SIN3B: variants seen among roughly 807,000 people sequenced by gnomAD.
SIN3B encodes the protein paired amphipathic helix protein Sin3b.
SIN3B carries 19 observed loss-of-function variants against 120.2 expected under a neutral mutation model. The ratio of observed to expected loss-of-function variants is 0.16; its 90% CI spans 0.11 to 0.23. The LOEUF (loss-of-function observed/expected upper bound fraction) is 0.23. SIN3B is among the 10% of genes least tolerant of loss of function. SIN3B has a pLI of 1.00. For missense variants in SIN3B, 1,073 were observed against 1,573.0 expected, an observed-to-expected ratio of 0.68 and a Z score of 5.38; for synonymous variants, 654 against 653.2, an observed-to-expected ratio of 1.00 and a Z score of -0.02.
chr19:16,852,987 C>T (rs1971565033), intron 6 of SIN3B, 82 bp from the exon 7 acceptor site: 1 of 1,151,036 alleles, frequency 8.7e-7, no homozygotes, highest in Non-Finnish European at 1.3e-6. Flanking sequence ...CGGTCTTAGC[C>T]TTCTTGAGAC....
rs368097957 is a variant in SIN3B, at chr19:16,830,892, C to A, written c.228-602C>A. Among the ~76,000 whole-genome samples, 4 of 152,278 alleles carry A rather than the reference C, an allele frequency of 2.6e-5. No homozygotes were observed. The South Asian group carries it at 8.3e-4, about 32-fold the overall frequency. On this transcript the variant is annotated intron_variant, in intron 2 of 18. Transcript: ENST00000248054. ...CTCCTGCCATTTCTTGGAGTCCAGG[C>A]CTTGCGGTTGGCTCTCCTGACATTT...
chr19:16,862,603 C>T lies in SIN3B; in HGVS notation c.1266+44C>T, dbSNP rs1294932542. On this transcript the variant is annotated intron_variant, in intron 9 of 18. Transcript: ENST00000248054. This position sits in a 1 kb window ranked among gnomAD's most constrained non-coding sequence, Gnocchi z 4.7. ...CAAATGTTCGTTGACATGGTGCATC[C>T]CCCACCCCTCCCCAGCAAACACCCG... 2.7e-6 allele frequency: 4 copies of T among 1,504,320 alleles called. No individual in the cohort carries two copies. In the East Asian group the frequency reaches 9.2e-5, roughly 35 times the overall value. The allele number at this position is 1,504,320 out of a possible 1,614,324, so 93.2% of individuals were successfully genotyped here. A position where few individuals can be genotyped will look rare whatever the true frequency, so the allele number is the denominator to read the frequency against.
intron 3 of SIN3B, among the ~76,000 whole-genome samples, chr19:16,840,066 G>A (rs1010677494): frequency 1.3e-5 from 2 of 152,128 alleles, no homozygotes; most frequent in African/African-American, 4.8e-5. Context: ...GCTGCTCTGC[G>A]TCTTGTATTT....
At chr19:16,857,370 G>A (rs1481861612) in intron 8 of SIN3B, among the ~76,000 whole-genome samples, 2 of 151,896 alleles carry the variant, frequency 1.3e-5, no homozygotes, top group Non-Finnish European at 2.9e-5. Context: ...AGTCAGATTT[G>A]CTTCAGCCTC....
Position 16,829,410 on chromosome 19 carries a change from C to T in SIN3B, c.-11C>T. ...GCGGGGGCGGGGCGGGGCGCAGCTC[C>T]GACTTCGGACATGGCGCACGCTGGC... On this transcript the variant is annotated 5_prime_UTR_variant, in exon 1 of 19. Coordinates refer to ENST00000248054, the MANE Select transcript of SIN3B (RefSeq NM_001297595.2). 1 of 1,201,710 alleles carries T rather than the reference C, an allele frequency of 8.3e-7. No individual in the cohort carries two copies. The highest frequency in any genetic ancestry group is 1.0e-6 in the Non-Finnish European group (1 of 968,292). The allele number at this position is 1,201,710 out of a possible 1,614,324, so 74.4% of individuals were successfully genotyped here.
intron 4 of SIN3B, among the ~76,000 whole-genome samples, chr19:16,844,618 G>A (rs1433092145): frequency 6.6e-6 from 1 of 152,246 alleles, no homozygotes; most frequent in African/African-American, 2.4e-5. Flanking sequence ...GTTGCAAAGT[G>A]TGATGGGAAC....
At chr19:16,857,737 C>T (rs1013272836) in intron 8 of SIN3B, among the ~76,000 whole-genome samples, 1 of 152,168 alleles carries the variant, frequency 6.6e-6, no homozygotes, top group African/African-American at 2.4e-5. Context: ...GTGAGAGTGT[C>T]CTGACTTCAG....
intron 6 of SIN3B, 92 bp from the exon 7 acceptor site, chr19:16,852,977 C>T (rs557523922): frequency 1.5e-4 from 154 of 1,006,618 alleles, no homozygotes; most frequent in Admixed American, 2.8e-4. Flanking sequence ...AAGGAGAGCA[C>T]GGTCTTAGCC....
chr19:16,836,895 ATCT>A lies in SIN3B; in HGVS notation c.382-4868_382-4866del, dbSNP rs374767745. On this transcript the variant is annotated intron_variant, in intron 3 of 18. Transcript: ENST00000248054. ...TCAACAAGTCGATTCTTGTGTTTGTATCTTCTTGGCTCATGGAGCAGGCGGTGA... is the reference window on the plus strand; with the variant it reads ...TCAACAAGTCGATTCTTGTGTTTGTATCTTGGCTCATGGAGCAGGCGGTGA... 1.5e-4 allele frequency among the ~76,000 whole-genome samples: 23 copies of A among 152,274 alleles called. 1 individual carries two copies. The highest frequency in any genetic ancestry group is 6.8e-3 in the Middle Eastern group (2 of 294).
rs1394043720 is a variant in SIN3B, at chr19:16,869,795, G to C, written c.2142G>C (p.Gly714=). The stretch of plus-strand genomic sequence containing the variant: ...ACAGTAGCCCCCCAGAGGAGAAGGG[G>C]GCCTTCGGGGATGCCCCGGCCACTG... The part of the protein sequence containing the change: ...GPHSSPPEEK[G]AFGDAPATEQ... Residue 714 remains glycine (G), a synonymous_variant, in exon 13 of 19, where the codon GGG becomes GGC. Transcript: ENST00000248054. 8.7e-6 allele frequency: 14 copies of C among 1,613,536 alleles called. No individual in the cohort carries two copies. Among genetic ancestry groups the C allele is most frequent in the Non-Finnish European group, 1.2e-5 (14 of 1,179,932 alleles).
chr19:16,846,922 A>T (rs370555084), intron 4 of SIN3B, 48 bp from the exon 5 acceptor site: 18 of 1,591,244 alleles, frequency 1.1e-5, no homozygotes, highest in Middle Eastern at 3.4e-4. Context: ...CCCAGGGCAC[A>T]GCACTCCTTG....
intron 8 of SIN3B, among the ~76,000 whole-genome samples, chr19:16,861,267 C>T (rs959142052): frequency 5.3e-5 from 8 of 152,182 alleles, no homozygotes; most frequent in African/African-American, 1.9e-4. Flanking sequence ...TCAAACCCCT[C>T]TTGTGCAGGC....
At chr19:16,831,745 G>A in intron 3 of SIN3B, 98 bp downstream of exon 3, 1 of 1,050,484 alleles carries the variant, frequency 9.5e-7, no homozygotes, top group Non-Finnish European at 1.4e-6. Context: ...TTGCTAGAAA[G>A]CCACTTAAGA....
intron 12 of SIN3B, 130 bp from the exon 13 acceptor site, chr19:16,869,330 G>C: frequency 8.0e-7 from 1 of 1,243,788 alleles, no homozygotes; most frequent in Non-Finnish European, 1.1e-6. Context: ...ACCGATGTTC[G>C]CCACCCATCC....
chr19:16,876,439 G>C lies in SIN3B; in HGVS notation c.2767-47G>C, dbSNP rs776244607. ...GGCCTTGCGAGCCTGCGCTGTGCCG[G>C]CTGGGCTGTGCCGGCAGTGGAGGCT... is the stretch of plus-strand genomic sequence containing the variant. On this transcript the variant is annotated intron_variant, in intron 15 of 18. Coordinates refer to ENST00000248054, the MANE Select transcript of SIN3B (RefSeq NM_001297595.2). This position sits in a 1 kb window ranked among gnomAD's most constrained non-coding sequence, Gnocchi z 7.1. 3 of 1,590,942 alleles carry C rather than the reference G, an allele frequency of 1.9e-6. No individual in the cohort carries two copies. The highest frequency in any genetic ancestry group is 1.3e-5 in the African/African-American group (1 of 74,494).
At chr19:16,866,694 T>G (rs1971779358) in intron 12 of SIN3B, 138 bp downstream of exon 12, 1 of 795,268 alleles carries the variant, frequency 1.3e-6, no homozygotes, top group Non-Finnish European at 2.0e-6. Flanking sequence ...AGGCGAGGGT[T>G]CATGTCTCTG....
chr19:16,868,617 C>A (rs1971811262), intron 12 of SIN3B, among the ~76,000 whole-genome samples: 1 of 152,188 alleles, frequency 6.6e-6, no homozygotes, highest in African/African-American at 2.4e-5. Flanking sequence ...TGTGCAAAGG[C>A]CCTGCACACG....
intron 8 of SIN3B, among the ~76,000 whole-genome samples, chr19:16,857,123 G>A (rs1181089384): frequency 6.6e-6 from 1 of 152,098 alleles, no homozygotes; most frequent in Non-Finnish European, 1.5e-5. Context: ...TTTTAGTAGT[G>A]ATATTTCCAG....
At position 16,865,622 on chromosome 19, in the gene SIN3B, C is replaced by A. The variant is rs778901530; in HGVS notation, c.1596C>A (p.Val532=). 1.9e-6 allele frequency: 3 copies of A among 1,610,142 alleles called. No homozygotes were observed. The Admixed American group carries it at 5.0e-5, about 27-fold the overall frequency. ...EIIESLKKNP[V]TAVPVVLKRL... is the part of the protein sequence containing the mutation. ...TCGAGAGCCTCAAGAAGAACCCTGT[C>A]ACCGCTGTCCCCGTTGTCCTGAAAA... Residue 532 remains valine (V), a synonymous_variant, in exon 11 of 19, where the codon GTC becomes GTA. Coordinates refer to ENST00000248054, the MANE Select transcript of SIN3B (RefSeq NM_001297595.2).
Sources: gnomAD v4.1 joint callset for allele counts (sites outside exome capture counted in the v4.1 genomes callset) on GRCh38, gnomAD v4.1.1 for gene constraint, Gnocchi (gnomAD v3.1) non-coding constraint, MANE v1.5 for transcripts, NCBI Gene and HGNC (gene_info 2026-07-23, HGNC 2026-07-21) for gene names.